Variants in PTH2R observed in about 807,000 individuals in gnomAD.
The protein encoded by PTH2R is PTH2 receptor.
In PTH2R, 59 loss-of-function variants were observed where a neutral mutation model predicts 60.3. The ratio of observed to expected loss-of-function variants is 0.98; its 90% confidence interval spans 0.79 to 1.22. The LOEUF (loss-of-function observed/expected upper bound fraction) is 1.22, where lower values mean the gene tolerates loss of function less well. PTH2R is among the 50% of genes most tolerant of loss of function. PTH2R has a pLI of 0.00. For synonymous variants in PTH2R, 256 were observed against 243.8 expected (o/e 1.05, Z -0.47); for missense variants, 749 against 682.6 (o/e 1.10, Z -1.08).
intron 10 of PTH2R, among the ~76,000 whole-genome samples, chr2:208,482,997 T>G (rs1703192086): frequency 6.6e-6 from 1 of 152,224 alleles, no homozygotes; most frequent in African/African-American, 2.4e-5. Flanking sequence ...TGGCATTGTC[T>G]TTACATAATC....
chr2:208,418,847 T>C (rs1292880673), intron 1 of PTH2R, among the ~76,000 whole-genome samples: 1 of 152,210 alleles, frequency 6.6e-6, no homozygotes, highest in Non-Finnish European at 1.5e-5. Context: ...TTTCTCACTC[T>C]TTTTTATAGC....
intron 1 of PTH2R, among the ~76,000 whole-genome samples, chr2:208,374,550 T>C (rs1179878229): frequency 1.3e-5 from 2 of 152,096 alleles, no homozygotes; most frequent in Non-Finnish European, 2.9e-5. Context: ...GTCGCCCAGC[T>C]GGAGTACAAT....
intron 10 of PTH2R, among the ~76,000 whole-genome samples, chr2:208,485,369 G>T (rs780667156): frequency 2.6e-5 from 4 of 152,164 alleles, no homozygotes; most frequent in Non-Finnish European, 4.4e-5. Flanking sequence ...CCAGAAGACT[G>T]CTATCAGTTG....
In PTH2R at chr2:208,455,845, C is replaced by T. The variant is rs1198943053; in HGVS notation, c.915-4050C>T. 2.0e-5 allele frequency among the ~76,000 whole-genome samples: 3 copies of T among 152,276 alleles called. No homozygotes were observed. The East Asian group carries it at 5.8e-4, about 29-fold the overall frequency. On this transcript the variant is annotated intron_variant, in intron 8 of 12. Transcript: ENST00000272847. ...GTGAAACCTCTGATTTTCTCTGCAT[C>T]TTGGCTATTTGGAGATAAGCATGTC...
intron 2 of PTH2R, among the ~76,000 whole-genome samples, chr2:208,430,237 C>T (rs1034478590): frequency 6.6e-6 from 1 of 151,996 alleles, no homozygotes. Context: ...AAATTATATG[C>T]TCTTTAGTTC....
chr2:208,360,525 T>TGCC (rs1700441936), intron 1 of PTH2R: 1 of 157,474 alleles, frequency 6.4e-6, no homozygotes, highest in South Asian at 1.7e-4. Context: ...CCCGGGGCCC[T>TGCC]GCCGCCCTCT....
rs552479739 is a variant in PTH2R at position 208,448,494 on chromosome 2, C to T, written c.854-2255C>T. 1.1e-4 allele frequency among the ~76,000 whole-genome samples: 17 copies of T among 151,052 alleles called. No homozygotes were observed. In the South Asian group the frequency reaches 3.4e-3, roughly 30 times the overall value. On this transcript the variant is annotated intron_variant, in intron 7 of 12. Coordinates refer to ENST00000272847, the MANE Select transcript of PTH2R (RefSeq NM_005048.4). ...TGAAACCCCGTCTCTACTAGCCGGG[C>T]GTGGCAGCGTGCGCCTGCAGTCCCA... is the stretch of plus-strand genomic sequence containing the variant.
At chr2:208,472,218 G>T (rs895204979) in intron 9 of PTH2R, among the ~76,000 whole-genome samples, 3 of 152,172 alleles carry the variant, frequency 2.0e-5, no homozygotes, top group Non-Finnish European at 4.4e-5. Flanking sequence ...GGGCCTGTTG[G>T]GAAGGTGTGA....
chr2:208,449,575 A>G (rs1227239309), intron 7 of PTH2R, among the ~76,000 whole-genome samples: 3 of 152,200 alleles, frequency 2.0e-5, no homozygotes, highest in Non-Finnish European at 2.9e-5. Context: ...TAAAGAAAGA[A>G]TACTATAGAA....
In PTH2R at chr2:208,391,687, A is replaced by G. The variant is rs563401897; in HGVS notation, c.-259+31450A>G. ...GTTTACAAAATCCTGTAATGCCCCC[A>G]AATACTCTTAGTTGCTTGAGAGTTT... On this transcript the variant is annotated intron_variant, in intron 1 of 12. Coordinates refer to the PTH2R transcript ENST00000617735. Among the ~76,000 whole-genome samples, 59 of 152,290 alleles carry G rather than the reference A, an allele frequency of 3.9e-4. 1 individual carries two copies. The highest frequency in any genetic ancestry group is 3.9e-3 in the Admixed American group (59 of 15,296).
exon 1 of PTH2R, chr2:208,359,914 A>G (rs575090578): frequency 2.4e-4 from 56 of 228,796 alleles, no homozygotes; most frequent in African/African-American, 1.2e-3. Context: ...GGAGACCGGG[A>G]GGTGGCAGAT....
chr2:208,477,937 C>CTACTAGTAGTACTAGCACTACTACTAG (rs1249024248), intron 9 of PTH2R, among the ~76,000 whole-genome samples: 4 of 144,596 alleles, frequency 2.8e-5, no homozygotes, highest in Non-Finnish European at 4.5e-5. Flanking sequence ...ACTAGCACTA[C>CTACTAGTAGTACTAGCACTACTACTAG]TACTAGTAGT....
intron 5 of PTH2R, 120 bp from the exon 6 acceptor site, chr2:208,443,228 G>T (rs971019992): frequency 2.5e-6 from 2 of 789,734 alleles, no homozygotes; most frequent in African/African-American, 1.8e-5. Context: ...TTTGTGTGGA[G>T]TCTCGAACCA....
intron 1 of PTH2R, among the ~76,000 whole-genome samples, chr2:208,388,134 C>CCG (rs1553540988): frequency 7.2e-5 from 8 of 110,462 alleles, no homozygotes; most frequent in East Asian, 2.1e-4. Context: ...ATGGTGAAAC[C>CCG]CCCCCCCCCG....
intron 10 of PTH2R, among the ~76,000 whole-genome samples, chr2:208,483,989 C>T (rs957668932): frequency 4.6e-5 from 7 of 152,172 alleles, no homozygotes; most frequent in African/African-American, 1.2e-4. Context: ...GTCTCAGTGA[C>T]GTTCCTACGA....
At chr2:208,428,850 C>T (rs1031492816) in intron 2 of PTH2R, among the ~76,000 whole-genome samples, 3 of 152,058 alleles carry the variant, frequency 2.0e-5, no homozygotes, top group African/African-American at 7.2e-5. Context: ...TTTGGGAGGC[C>T]GAGGTGGGCG....
At chr2:208,492,527 C>A (rs1437064680) in intron 12 of PTH2R, among the ~76,000 whole-genome samples, 1 of 152,034 alleles carries the variant, frequency 6.6e-6, no homozygotes, top group Non-Finnish European at 1.5e-5. Flanking sequence ...AGCAATCAGG[C>A]AGTTATTTAA....
chr2:208,361,652 T>C (rs914059164), intron 1 of PTH2R, among the ~76,000 whole-genome samples: 3 of 152,190 alleles, frequency 2.0e-5, no homozygotes, highest in African/African-American at 7.2e-5. Flanking sequence ...TGACTACTTA[T>C]ATTACCTCAT....
At chr2:208,466,494 C>T (rs1257859607) in intron 9 of PTH2R, 1 of 152,274 alleles carries the variant, frequency 6.6e-6, no homozygotes, top group Non-Finnish European at 1.5e-5. Flanking sequence ...CTAATTTCAC[C>T]AAGCGCCTTG....
Sources: gnomAD v4.1 joint callset for allele counts (sites outside exome capture counted in the v4.1 genomes callset) on GRCh38, gnomAD v4.1.1 for gene constraint, MANE v1.5 for transcripts, NCBI Gene and HGNC (gene_info 2026-07-23, HGNC 2026-07-21) for gene names.